ATP10B: variants seen among roughly 807,000 people sequenced by gnomAD.
The protein encoded by ATP10B is ATPase phospholipid transporting 10B (putative).
A neutral mutation model predicts 141.2 loss-of-function variants in ATP10B; 122 were observed. The ratio of observed to expected loss-of-function variants is 0.86; its 90% CI spans 0.75 to 1.00. ATP10B has a LOEUF of 1.00. ATP10B is among the 50% of genes least tolerant of loss of function. ATP10B has a pLI of 0.00. For synonymous variants in ATP10B, 685 were observed against 692.0 expected, an observed-to-expected ratio of 0.99 and a Z score of 0.16; for missense variants, 1,876 against 1,825.3, an observed-to-expected ratio of 1.03 and a Z score of -0.51.
intron 15 of ATP10B, among the ~76,000 whole-genome samples, chr5:160,619,584 G>A (rs1758208160): frequency 6.6e-6 from 1 of 152,176 alleles, no homozygotes; most frequent in Non-Finnish European, 1.5e-5. Flanking sequence ...AATGCAGGAG[G>A]CACAGGGCTG....
At chr5:160,797,970 AG>A (rs1447462549) in intron 1 of ATP10B, among the ~76,000 whole-genome samples, 1 of 151,920 alleles carries the variant, frequency 6.6e-6, no homozygotes, top group African/African-American at 2.4e-5. Flanking sequence ...AAAAGAGAAA[AG>A]AAACAAGTGT....
intron 7 of ATP10B, among the ~76,000 whole-genome samples, chr5:160,653,151 A>G (rs142384881): frequency 0.055 from 7,200 of 131,180 alleles, 365 homozygotes; most frequent in East Asian, 0.24. Context: ...TATATATTAT[A>G]AATACATAAT....
rs753743285 is a variant in ATP10B at position 160,836,340 on chromosome 5, T to C, written c.-576+15601A>G. Reference sequence around the variant, plus strand: ...AAATTTTAAGTTTTTTCATTTTTTTTCACCTCCACAGATGCTTGAATGTGG... The same window carrying C: ...AAATTTTAAGTTTTTTCATTTTTTTCCACCTCCACAGATGCTTGAATGTGG... On this transcript the variant is annotated intron_variant, in intron 1 of 25. Transcript: ENST00000327245. 7.9e-5 allele frequency among the ~76,000 whole-genome samples: 12 copies of C among 152,236 alleles called. No homozygotes were observed. The East Asian group carries it at 1.5e-3, about 20-fold the overall frequency.
At chr5:160,590,893 G>A (rs1418086524) in intron 23 of ATP10B, among the ~76,000 whole-genome samples, 166 bp downstream of exon 23, 1 of 152,222 alleles carries the variant, frequency 6.6e-6, no homozygotes, top group Non-Finnish European at 1.5e-5. Flanking sequence ...TGTTTGGGTA[G>A]TGTTCTGACT....
intron 2 of ATP10B, among the ~76,000 whole-genome samples, chr5:160,718,681 T>C (rs1765798093): frequency 6.6e-6 from 1 of 152,056 alleles, no homozygotes; most frequent in Non-Finnish European, 1.5e-5. Flanking sequence ...TGGGAACTAA[T>C]CCATTTTTGT....
intron 1 of ATP10B, among the ~76,000 whole-genome samples, chr5:160,819,536 T>G (rs1415333665): frequency 6.6e-6 from 1 of 152,182 alleles, no homozygotes; most frequent in Non-Finnish European, 1.5e-5. Context: ...CAGCATATTA[T>G]AACAGTGTAA....
the ATP10B span, among the ~76,000 whole-genome samples, chr5:160,891,031 G>A: frequency 0.19 from 28,537 of 151,976 alleles, 2,957 homozygotes; most frequent in South Asian, 0.35. Context: ...ATGTATGTGC[G>A]TTTGAATAAC....
At chr5:160,727,716 CT>C (rs1380839379) in intron 2 of ATP10B, among the ~76,000 whole-genome samples, 1 of 152,044 alleles carries the variant, frequency 6.6e-6, no homozygotes, top group Non-Finnish European at 1.5e-5. Context: ...TAAAAAAAAT[CT>C]CAGGATCCCA....
At chr5:160,657,173 T>A (rs1761573191) in intron 7 of ATP10B, among the ~76,000 whole-genome samples, 1 of 152,162 alleles carries the variant, frequency 6.6e-6, no homozygotes, top group Admixed American at 6.5e-5. Flanking sequence ...ACTAAAGTTT[T>A]TTTTTTCATT....
At chr5:160,707,536 A>G (rs1041085394) in intron 3 of ATP10B, among the ~76,000 whole-genome samples, 6 of 152,244 alleles carry the variant, frequency 3.9e-5, no homozygotes, top group African/African-American at 1.4e-4. Flanking sequence ...CCATGAGACA[A>G]TATCACATAC....
intron 1 of ATP10B, among the ~76,000 whole-genome samples, chr5:160,837,045 A>T (rs911112798): frequency 1.9e-4 from 29 of 152,246 alleles, no homozygotes; most frequent in African/African-American, 6.3e-4. Context: ...AGGCATATAC[A>T]TACACGATCT....
chr5:160,812,018 GAC>G (rs1252990602), intron 1 of ATP10B, among the ~76,000 whole-genome samples: 100 of 52,356 alleles, frequency 1.9e-3, no homozygotes, highest in Admixed American at 4.5e-3. Context: ...CAGAGACAGA[GAC>G]AGAGAGAGAG....
At chr5:160,663,437 C>T (rs1762082749) in intron 7 of ATP10B, among the ~76,000 whole-genome samples, 1 of 152,130 alleles carries the variant, frequency 6.6e-6, no homozygotes, top group South Asian at 2.1e-4. Context: ...GGCACATATA[C>T]ACCATGGAAT....
chr5:160,603,944 A>C (rs1392371935), intron 20 of ATP10B, 21 bp downstream of exon 20: 4 of 1,600,452 alleles, frequency 2.5e-6, no homozygotes, highest in Non-Finnish European at 3.4e-6. Flanking sequence ...AAGAAAGAAG[A>C]ATAGTTGCAG....
chr5:160,639,807 A>G (rs1163835442), intron 10 of ATP10B, among the ~76,000 whole-genome samples: 2 of 152,238 alleles, frequency 1.3e-5, no homozygotes, highest in Admixed American at 6.5e-5. Context: ...ATTGTAATAT[A>G]TAATAAAATA....
At chr5:160,910,402 G>C in the ATP10B span, among the ~76,000 whole-genome samples, 10 of 152,274 alleles carry the variant, frequency 6.6e-5, no homozygotes, top group African/African-American at 2.4e-4. Context: ...TAGAAGGAGA[G>C]CTCCATGAGA....
In ATP10B at chr5:160,686,370, C is replaced by A. The variant is rs371915217; in HGVS notation, c.276-97G>T. On this transcript the variant is annotated intron_variant, in intron 5 of 25. Coordinates refer to ENST00000327245, the MANE Select transcript of ATP10B (RefSeq NM_025153.3). ...TACTGTTTGGCCTTGATCAATTAAA[C>A]CTTCTCTTTCAGTATCACCTCAAAC... The A allele has an allele frequency of 1.0e-4, 89 of 882,468 alleles. 1 individual carries two copies. The East Asian group carries it at 2.2e-3, about 21-fold the overall frequency. 54.7% of individuals were successfully genotyped at this position (882,468 alleles called of 1,614,324 possible). A position where few individuals can be genotyped will look rare whatever the true frequency, so the allele number is the denominator to read the frequency against.
chr5:160,566,448 G>A (rs1581122891), intron 25 of ATP10B, among the ~76,000 whole-genome samples: 2 of 152,302 alleles, frequency 1.3e-5, no homozygotes, highest in Admixed American at 1.3e-4. Flanking sequence ...GAATCTGTGG[G>A]CCTTGCTGTA....
chr5:160,806,608 A>G (rs894295823), intron 1 of ATP10B, among the ~76,000 whole-genome samples: 3 of 152,190 alleles, frequency 2.0e-5, no homozygotes, highest in African/African-American at 7.2e-5. Context: ...GATAATGATG[A>G]TAGGAACAAC....
Sources: gnomAD v4.1 joint callset for allele counts (sites outside exome capture counted in the v4.1 genomes callset) on GRCh38, gnomAD v4.1.1 for gene constraint, MANE v1.5 for transcripts, NCBI Gene and HGNC (gene_info 2026-07-23, HGNC 2026-07-21) for gene names.